Variants in ENAH observed in about 807,000 individuals in gnomAD.
ENAH encodes the protein protein enabled homolog.
ENAH carries 23 observed loss-of-function variants against 78.7 expected under a neutral mutation model. The observed-to-expected ratio is 0.29, with a 90% CI of 0.21 to 0.41. The LOEUF is 0.41. Among genes scored for constraint, ENAH ranks in the 10% least tolerant of loss-of-function variants. The probability of loss-of-function intolerance (pLI) is 1.00; values close to 1 mark genes in which losing one functional copy is unlikely to be tolerated. For synonymous variants in ENAH, 226 were observed against 241.0 expected (o/e 0.94, Z 0.58); for missense variants, 544 against 691.0 (o/e 0.79, Z 2.39).
At chr1:225,588,254 C>T (rs1364773262) in intron 1 of ENAH, among the ~76,000 whole-genome samples, 2 of 152,128 alleles carry the variant, frequency 1.3e-5, no homozygotes, top group East Asian at 1.9e-4. Context: ...AAAAAATCTA[C>T]GAAACATAAA....
At chr1:225,525,710 T>A (rs537467560) in intron 4 of ENAH, among the ~76,000 whole-genome samples, 1 of 152,208 alleles carries the variant, frequency 6.6e-6, no homozygotes, top group Non-Finnish European at 1.5e-5. Context: ...ACAGAACACA[T>A]CTTCCAATAG....
intron 1 of ENAH, among the ~76,000 whole-genome samples, chr1:225,606,460 C>CAA (rs1226059203): frequency 6.7e-4 from 64 of 94,854 alleles, no homozygotes; most frequent in East Asian, 3.0e-3. Context: ...GACTCCATCT[C>CAA]AAAAAAAAAA....
Position 225,555,150 on chromosome 1 carries a change from C to T in ENAH, c.172-67G>A, listed in dbSNP as rs992580759. 9.7e-6 allele frequency: 13 copies of T among 1,340,030 alleles called. No homozygotes were observed. The Admixed American group carries it at 2.7e-4, about 27-fold the overall frequency. 83.0% of individuals were successfully genotyped at this position (1,340,030 alleles called of 1,614,324 possible). A position where few individuals can be genotyped will look rare whatever the true frequency, so the allele number is the denominator to read the frequency against. The stretch of plus-strand genomic sequence containing the variant: ...GCAAAATCAAGGATGTCAACAAATG[C>T]TGATTGTATATATTCATTCAAATGT... On this transcript the variant is annotated intron_variant, in intron 2 of 13. Coordinates refer to ENST00000366843, the MANE Select transcript of ENAH (RefSeq NM_018212.6).
chr1:225,648,069 G>A lies in ENAH; in HGVS notation c.5+4617C>T, dbSNP rs754901860. ...GACTATATCCCAGGTCTGACAAGGA[G>A]TCCCCTTCTTGTTTCTAGTCAGGAA... is the stretch of plus-strand genomic sequence containing the variant. On this transcript the variant is annotated intron_variant, in intron 1 of 13. Coordinates refer to ENST00000366843, the MANE Select transcript of ENAH (RefSeq NM_018212.6). Among the ~76,000 whole-genome samples the A allele has an allele frequency of 2.0e-5, 3 of 152,174 alleles. No homozygotes were observed. The South Asian group carries it at 6.2e-4, about 32-fold the overall frequency.
intron 1 of ENAH, among the ~76,000 whole-genome samples, chr1:225,612,171 G>C (rs749712004): frequency 3.3e-5 from 5 of 152,174 alleles, no homozygotes; most frequent in Non-Finnish European, 4.4e-5. Context: ...CTAAATGGTG[G>C]AAATGACCCA....
At chr1:225,561,906 T>C (rs887531642) in intron 2 of ENAH, among the ~76,000 whole-genome samples, 1 of 152,110 alleles carries the variant, frequency 6.6e-6, no homozygotes, top group Admixed American at 6.5e-5. Context: ...AGGTCATACA[T>C]GACCCTTTCT....
intron 1 of ENAH, among the ~76,000 whole-genome samples, chr1:225,608,271 A>T (rs1249570504): frequency 6.6e-6 from 1 of 151,478 alleles, no homozygotes; most frequent in Non-Finnish European, 1.5e-5. Flanking sequence ...TAGATAAAAG[A>T]ATTCAGAAGA....
intron 1 of ENAH, among the ~76,000 whole-genome samples, chr1:225,645,537 C>G (rs894470535): frequency 1.3e-5 from 2 of 152,128 alleles, no homozygotes; most frequent in African/African-American, 4.8e-5. Context: ...GTTTTCATTT[C>G]TAGGAAAGGA....
At chr1:225,641,329 C>T (rs1235266933) in intron 1 of ENAH, among the ~76,000 whole-genome samples, 1 of 148,354 alleles carries the variant, frequency 6.7e-6, no homozygotes, top group Non-Finnish European at 1.5e-5. Context: ...TTTAAAGGTA[C>T]CATGTCGAAC....
intron 3 of ENAH, among the ~76,000 whole-genome samples, chr1:225,549,526 C>CCA (rs2096631513): frequency 6.6e-6 from 1 of 152,152 alleles, no homozygotes; most frequent in Non-Finnish European, 1.5e-5. Flanking sequence ...GGTACAAAAG[C>CCA]CACTAATGCC....
chr1:225,651,628 T>A (rs954589116), intron 1 of ENAH, among the ~76,000 whole-genome samples: 1 of 151,982 alleles, frequency 6.6e-6, no homozygotes, highest in Non-Finnish European at 1.5e-5. Flanking sequence ...AGAAATGGAG[T>A]AATTTACTTT....
chr1:225,601,316 T>TA (rs1354757438), intron 1 of ENAH, among the ~76,000 whole-genome samples: 3 of 152,098 alleles, frequency 2.0e-5, no homozygotes, highest in African/African-American at 7.2e-5. Flanking sequence ...GTCAGGAGAT[T>TA]GAGACCATCC....
At chr1:225,605,110 G>T (rs749090651) in intron 1 of ENAH, among the ~76,000 whole-genome samples, 2 of 152,152 alleles carry the variant, frequency 1.3e-5, no homozygotes, top group Non-Finnish European at 2.9e-5. Flanking sequence ...ACTACATGAT[G>T]ATTGGAAATT....
chr1:225,596,513 TAAG>T (rs2096902677), intron 1 of ENAH, among the ~76,000 whole-genome samples: 1 of 152,150 alleles, frequency 6.6e-6, no homozygotes, highest in African/African-American at 2.4e-5. Flanking sequence ...AGCTTCTGAT[TAAG>T]AAGGAGGAAG....
intron 3 of ENAH, among the ~76,000 whole-genome samples, chr1:225,531,511 T>A (rs563456041): frequency 3.3e-5 from 5 of 152,186 alleles, no homozygotes; most frequent in South Asian, 2.1e-4. Context: ...AATAGAACAA[T>A]CTTAAAGTCT....
chr1:225,650,424 A>T (rs961785191), intron 1 of ENAH, among the ~76,000 whole-genome samples: 29 of 152,256 alleles, frequency 1.9e-4, no homozygotes, highest in Admixed American at 1.6e-3. Flanking sequence ...TTTCAAGTGA[A>T]GACATAATTT....
chr1:225,533,594 T>C (rs2096548231), intron 3 of ENAH, among the ~76,000 whole-genome samples: 1 of 152,132 alleles, frequency 6.6e-6, no homozygotes, highest in Non-Finnish European at 1.5e-5. Flanking sequence ...CAGCCAAAGA[T>C]AGTGGCTGAT....
chr1:225,580,961 C>T (rs1291777277), intron 1 of ENAH, among the ~76,000 whole-genome samples: 2 of 109,788 alleles, frequency 1.8e-5, no homozygotes, highest in South Asian at 2.8e-4. Flanking sequence ...TCATAAGCTC[C>T]GTGACTTTTA....
chr1:225,632,259 G>A (rs981952651), intron 1 of ENAH, among the ~76,000 whole-genome samples: 1 of 152,176 alleles, frequency 6.6e-6, no homozygotes, highest in Admixed American at 6.5e-5. Flanking sequence ...AGCACTTTGG[G>A]AGGCCAAAGC....
Sources: gnomAD v4.1 joint callset for allele counts (sites outside exome capture counted in the v4.1 genomes callset) on GRCh38, gnomAD v4.1.1 for gene constraint, MANE v1.5 for transcripts, NCBI Gene and HGNC (gene_info 2026-07-23, HGNC 2026-07-21) for gene names.